The following MNAT1 variants were observed in gnomAD, a reference collection of about 807,000 sequenced individuals.
MNAT1 encodes CDK-activating kinase assembly factor MAT1.
Under a neutral mutation model 42.0 loss-of-function variants are expected in MNAT1, and 43 were observed. The ratio of observed to expected loss-of-function variants is 1.02; its 90% CI spans 0.80 to 1.32. MNAT1 has a LOEUF of 1.32. Ranked by LOEUF, MNAT1 falls within the 40% of genes most tolerant of loss-of-function variation. The pLI is 0.00. For synonymous variants in MNAT1, 118 were observed against 120.0 expected (o/e 0.98, Z 0.11); for missense variants, 306 against 350.4 (o/e 0.87, Z 1.01).
chr14:60,869,040 A>ATTTTTTTT (rs71114162), intron 6 of MNAT1, among the ~76,000 whole-genome samples: 1 of 113,054 alleles, frequency 8.8e-6, no homozygotes, highest in African/African-American at 3.4e-5. Context: ...ATATATATAT[A>ATTTTTTTT]TTTTTTTTTT....
Position 60,874,653 on chromosome 14 carries a change from C to G in MNAT1, c.688-5061C>G, listed in dbSNP as rs199911597. ...TATACCATACCATTTGGCACCCAACCAAATTTAATTCAAATATAACTTATA... is the reference window on the plus strand; with the variant it reads ...TATACCATACCATTTGGCACCCAACGAAATTTAATTCAAATATAACTTATA... On this transcript the variant is annotated intron_variant, in intron 6 of 7. Transcript: ENST00000261245. 9.9e-5 allele frequency among the ~76,000 whole-genome samples: 15 copies of G among 152,152 alleles called. No homozygotes were observed. In the East Asian group the frequency reaches 2.9e-3, roughly 29 times the overall value.
At chr14:60,752,296 G>A (rs561570711) in intron 1 of MNAT1, among the ~76,000 whole-genome samples, 3 of 152,284 alleles carry the variant, frequency 2.0e-5, no homozygotes, top group Non-Finnish European at 4.4e-5. Flanking sequence ...TGGAGCATAA[G>A]TGAGGACCAG....
intron 1 of MNAT1, among the ~76,000 whole-genome samples, chr14:60,754,654 G>C: frequency 6.6e-6 from 1 of 152,122 alleles, no homozygotes; most frequent in East Asian, 1.9e-4. Context: ...TGGCAATAGG[G>C]AGAAATTTCT....
intron 6 of MNAT1, among the ~76,000 whole-genome samples, chr14:60,858,901 A>C (rs2034028015): frequency 6.6e-6 from 1 of 152,238 alleles, no homozygotes; most frequent in Non-Finnish European, 1.5e-5. Context: ...AGTAGAGTAT[A>C]AACATAGCTT....
intron 6 of MNAT1, among the ~76,000 whole-genome samples, chr14:60,840,126 A>G (rs1039787936): frequency 2.6e-5 from 4 of 152,246 alleles, no homozygotes; most frequent in African/African-American, 9.6e-5. Flanking sequence ...ATTAAATGTT[A>G]TACATTTTCT....
At chr14:60,881,633 GA>G (rs2034553902) in intron 7 of MNAT1, among the ~76,000 whole-genome samples, 1 of 151,882 alleles carries the variant, frequency 6.6e-6, no homozygotes, top group Non-Finnish European at 1.5e-5. Flanking sequence ...AGATAGAGAA[GA>G]TTTTTTTAAG....
chr14:60,804,536 A>G (rs1024414301), intron 3 of MNAT1, among the ~76,000 whole-genome samples: 10 of 151,846 alleles, frequency 6.6e-5, no homozygotes, highest in African/African-American at 2.2e-4. Context: ...TTATTCATTT[A>G]TTTTTTAGAG....
intron 1 of MNAT1, among the ~76,000 whole-genome samples, chr14:60,774,926 T>C (rs1458822029): frequency 6.6e-6 from 1 of 152,190 alleles, no homozygotes; most frequent in Non-Finnish European, 1.5e-5. Flanking sequence ...AGTCAAAACT[T>C]GTCATGTTTT....
chr14:60,838,588 G>A (rs1026209193), intron 6 of MNAT1, among the ~76,000 whole-genome samples: 1 of 152,230 alleles, frequency 6.6e-6, no homozygotes, highest in African/African-American at 2.4e-5. Flanking sequence ...GACACCAGCT[G>A]CAGTGGGGAA....
chr14:60,942,426 T>C (rs2139591654), intron 7 of MNAT1, among the ~76,000 whole-genome samples: 1 of 145,800 alleles, frequency 6.9e-6, no homozygotes, highest in Admixed American at 7.3e-5. Context: ...GGGGCCCTTA[T>C]TGTTATTTCT....
At chr14:60,817,432 T>C (rs1421559539) in intron 5 of MNAT1, among the ~76,000 whole-genome samples, 1 of 151,960 alleles carries the variant, frequency 6.6e-6, no homozygotes, top group Non-Finnish European at 1.5e-5. Context: ...GTTTACATCT[T>C]ATAAATAAAT....
At chr14:60,932,048 ATAT>A (rs2035898382) in intron 7 of MNAT1, among the ~76,000 whole-genome samples, 1 of 151,998 alleles carries the variant, frequency 6.6e-6, no homozygotes, top group African/African-American at 2.4e-5. Context: ...TAAAAACTTC[ATAT>A]TATAAGGATG....
intron 6 of MNAT1, among the ~76,000 whole-genome samples, chr14:60,867,899 A>C (rs2034241035): frequency 6.6e-6 from 1 of 152,120 alleles, no homozygotes; most frequent in Non-Finnish European, 1.5e-5. Flanking sequence ...TTTGAAAGAA[A>C]TTAGAGAAAA....
At chr14:60,833,466 GTGAT>G (rs918911378) in intron 6 of MNAT1, among the ~76,000 whole-genome samples, 62 of 152,252 alleles carry the variant, frequency 4.1e-4, no homozygotes, top group African/African-American at 1.5e-3. Context: ...TTCTGTTTAT[GTGAT>G]TGATTATGTT....
chr14:60,879,580 T>C, intron 6 of MNAT1, 134 bp from the exon 7 acceptor site: 2 of 767,884 alleles, frequency 2.6e-6, no homozygotes, highest in Admixed American at 2.8e-5. Context: ...CAATGCATTG[T>C]ACCCATGGAA....
At chr14:60,856,115 A>T (rs2033953932) in intron 6 of MNAT1, among the ~76,000 whole-genome samples, 1 of 152,244 alleles carries the variant, frequency 6.6e-6, no homozygotes, top group South Asian at 2.1e-4. Context: ...GTGGAAAGCC[A>T]AGATAGCCAA....
At chr14:60,899,073 G>A (rs537152937) in intron 7 of MNAT1, among the ~76,000 whole-genome samples, 2 of 152,224 alleles carry the variant, frequency 1.3e-5, no homozygotes, top group South Asian at 4.1e-4. Flanking sequence ...CCGTAAACAT[G>A]TGGCTTTATT....
intron 7 of MNAT1, among the ~76,000 whole-genome samples, chr14:60,883,303 A>G (rs117253048): frequency 0.013 from 1,958 of 152,236 alleles, 19 homozygotes; most frequent in Non-Finnish European, 0.019. Context: ...ATGGATATCC[A>G]GTTTTCCCAG....
chr14:60,838,656 T>G (rs2033462940), intron 6 of MNAT1, among the ~76,000 whole-genome samples: 1 of 151,082 alleles, frequency 6.6e-6, no homozygotes, highest in African/African-American at 2.4e-5. Context: ...CAGGTGGGAG[T>G]CCCGCCCCAT....
Sources: allele counts gnomAD v4.1 joint callset (sites outside exome capture counted in the v4.1 genomes callset), GRCh38; gene constraint gnomAD v4.1.1; transcripts MANE v1.5; gene names NCBI Gene and HGNC (gene_info 2026-07-23, HGNC 2026-07-21).